The following RAD50 variants were observed in gnomAD, a reference collection of about 807,000 sequenced individuals.
The protein encoded by RAD50 is RAD50 double strand break repair protein, also known as DNA repair protein RAD50.
RAD50 carries 132 observed loss-of-function variants against 168.8 expected under a neutral mutation model. The ratio of observed to expected loss-of-function variants is 0.78; its 90% CI spans 0.68 to 0.90. RAD50 has a LOEUF of 0.90. Ranked by LOEUF, RAD50 falls within the 40% of genes least tolerant of loss-of-function variation. The pLI is 0.00. For missense variants in RAD50, 1,347 were observed against 1,534.4 expected (o/e 0.88, Z 2.04); for synonymous variants, 525 against 497.4 (o/e 1.06, Z -0.74).
intron 2 of RAD50, among the ~76,000 whole-genome samples, chr5:132,571,499 A>C (rs185731177): frequency 6.6e-6 from 1 of 152,174 alleles, no homozygotes; most frequent in Non-Finnish European, 1.5e-5. Context: ...TAGGAGATAC[A>C]CCTTTATCAA....
rs1436912972 is a variant in RAD50 at position 132,637,111 on chromosome 5, C to T, written c.3390-4C>T. On this transcript the variant is annotated splice_region_variant and splice_polypyrimidine_tract_variant and intron_variant, in intron 21 of 24. Coordinates refer to ENST00000378823, the MANE Select transcript of RAD50 (RefSeq NM_005732.4). ...TATGAAGTACCAATGACTTCCTTTTCCAGAGCAATAATGAAATTTCACAGT... is the reference window on the plus strand; with the variant it reads ...TATGAAGTACCAATGACTTCCTTTTTCAGAGCAATAATGAAATTTCACAGT... 1.2e-6 allele frequency: 2 copies of T among 1,604,632 alleles called. No homozygotes were observed. The highest frequency in any genetic ancestry group is 2.2e-5 in the South Asian group (2 of 90,576).
At chr5:132,577,497 G>C (rs1262220658) in intron 3 of RAD50, among the ~76,000 whole-genome samples, 1 of 152,170 alleles carries the variant, frequency 6.6e-6, no homozygotes, top group Non-Finnish European at 1.5e-5. Context: ...CTAAGTAAAT[G>C]CTAGTTTATT....
At chr5:132,596,893 C>A (rs891524776) in intron 13 of RAD50, among the ~76,000 whole-genome samples, 9 of 152,170 alleles carry the variant, frequency 5.9e-5, no homozygotes, top group Non-Finnish European at 1.2e-4. Context: ...TTCAGCTCAA[C>A]TGAGAGGAGA....
chr5:132,612,347 G>A (rs1292294880), intron 19 of RAD50, among the ~76,000 whole-genome samples: 1 of 152,176 alleles, frequency 6.6e-6, no homozygotes, highest in African/African-American at 2.4e-5. Context: ...CTAGAGGTGA[G>A]GAAGGAATAG....
rs59854163 is a variant in RAD50, at chr5:132,581,268, T to TA, written c.756+1214dup. Among the ~76,000 whole-genome samples the TA allele has an allele frequency of 1.1e-3, 153 of 144,672 alleles. 1 individual carries two copies. The highest frequency in any genetic ancestry group is 3.9e-3 in the Admixed American group (56 of 14,438). 94.9% of individuals were successfully genotyped at this position (144,672 alleles called of 152,430 possible). A position where few individuals can be genotyped will look rare whatever the true frequency, so the allele number is the denominator to read the frequency against. ...GCATGAGCCACCACGCCCGGCTAAA[T>TA]AAAAAAAAAAAATAGAATTTTTTGT... On this transcript the variant is annotated intron_variant, in intron 5 of 24. Coordinates refer to ENST00000378823, the MANE Select transcript of RAD50 (RefSeq NM_005732.4).
intron 21 of RAD50, among the ~76,000 whole-genome samples, chr5:132,635,533 C>T (rs904836722): frequency 2.6e-5 from 4 of 152,126 alleles, no homozygotes; most frequent in African/African-American, 7.2e-5. Flanking sequence ...ATCTTTTTCC[C>T]GCAGTGCTGT....
intron 19 of RAD50, among the ~76,000 whole-genome samples, chr5:132,612,363 C>T (rs986347787): frequency 1.3e-5 from 2 of 152,118 alleles, no homozygotes; most frequent in Non-Finnish European, 2.9e-5. Context: ...AATAGAGTGA[C>T]TGCTATTGAA....
intron 5 of RAD50, among the ~76,000 whole-genome samples, chr5:132,586,037 T>A (rs569024812): frequency 6.6e-6 from 1 of 152,374 alleles, no homozygotes; most frequent in South Asian, 2.1e-4. Flanking sequence ...GTTTATACTT[T>A]TTGTTTATTA....
intron 2 of RAD50, among the ~76,000 whole-genome samples, chr5:132,567,334 T>G (rs75245322): frequency 0.069 from 10,508 of 152,322 alleles, 460 homozygotes; most frequent in Admixed American, 0.1. Context: ...AATGCAGGGC[T>G]ATATTCTTTG....
intron 3 of RAD50, among the ~76,000 whole-genome samples, chr5:132,578,432 G>A (rs1189157135): frequency 3.3e-5 from 5 of 151,376 alleles, no homozygotes; most frequent in African/African-American, 1.2e-4. Flanking sequence ...GTCTTTCCAT[G>A]ACCTCATGTG....
intron 11 of RAD50, chr5:132,592,934 C>T (rs1413329450): frequency 2.1e-6 from 1 of 469,364 alleles, no homozygotes; most frequent in Non-Finnish European, 4.4e-6. Context: ...TTTAATTTTT[C>T]AGTCAGAATT....
chr5:132,639,235 C>T (rs1293748800), intron 23 of RAD50, among the ~76,000 whole-genome samples: 1 of 152,008 alleles, frequency 6.6e-6, no homozygotes, highest in Non-Finnish European at 1.5e-5. Context: ...TGCCTGTAAT[C>T]CCAGCTACTC....
chr5:132,584,918 G>T (rs886453636), intron 5 of RAD50, among the ~76,000 whole-genome samples: 3 of 140,224 alleles, frequency 2.1e-5, no homozygotes, highest in African/African-American at 8.0e-5. Context: ...ACAGACACAG[G>T]AAGGGGAACA....
chr5:132,626,090 G>A (rs1751367931), intron 21 of RAD50, among the ~76,000 whole-genome samples: 3 of 151,826 alleles, frequency 2.0e-5, no homozygotes, highest in Admixed American at 1.3e-4. Context: ...TATTGATCTC[G>A]AACTCCTGAC....
chr5:132,628,304 A>G (rs1008215860), intron 21 of RAD50, among the ~76,000 whole-genome samples: 4 of 152,196 alleles, frequency 2.6e-5, no homozygotes, highest in Non-Finnish European at 4.4e-5. Context: ...ACCACTAGTT[A>G]TGTTTGCAAA....
intron 23 of RAD50, among the ~76,000 whole-genome samples, chr5:132,640,051 TTTAGTA>T (rs1305814546): frequency 2.0e-5 from 3 of 152,172 alleles, no homozygotes; most frequent in African/African-American, 7.2e-5. Flanking sequence ...GTCTGAGGGT[TTTAGTA>T]TTAGGTTTCT....
chr5:132,644,532 A>AACCC lies in RAD50; in HGVS notation c.*2168_*2169insACCC, dbSNP rs1751809873. 2 of 181,694 alleles carry AACCC rather than the reference A, an allele frequency of 1.1e-5. No individual in the cohort carries two copies. Among genetic ancestry groups the AACCC allele is most frequent in the African/African-American group, 4.7e-5 (2 of 42,454 alleles). The allele number at this position is 181,694 out of a possible 1,614,324, so 11.3% of individuals were successfully genotyped here. On this transcript the variant is annotated 3_prime_UTR_variant, in exon 25 of 25. Transcript: ENST00000378823. Reference sequence around the variant, plus strand: ...CATATTTTGTAGGGTTGTTATGAAGATTGAATGACATTATTTACAAACTGC... The same window carrying AACCC: ...CATATTTTGTAGGGTTGTTATGAAGAACCCTTGAATGACATTATTTACAAACTGC...
At chr5:132,601,657 T>C (rs1750889992) in intron 13 of RAD50, among the ~76,000 whole-genome samples, 1 of 151,970 alleles carries the variant, frequency 6.6e-6, no homozygotes, top group South Asian at 2.1e-4. Context: ...AAAAAAAAAC[T>C]GTAGGTCTGA....
chr5:132,588,646 C>G (rs1204352014), intron 7 of RAD50, 41 bp from the exon 8 acceptor site: 2 of 1,559,310 alleles, frequency 1.3e-6, no homozygotes, highest in African/African-American at 2.7e-5. Context: ...ACTTTTTAAG[C>G]ACCAGTTGAA....
Sources: gnomAD v4.1 joint callset for allele counts (sites outside exome capture counted in the v4.1 genomes callset) on GRCh38, gnomAD v4.1.1 for gene constraint, MANE v1.5 for transcripts, NCBI Gene and HGNC (gene_info 2026-07-23, HGNC 2026-07-21) for gene names.